Variants in RUBCN observed in about 807,000 individuals in gnomAD.
The protein encoded by RUBCN is rubicon autophagy regulator.
Under a neutral mutation model 113.2 loss-of-function variants are expected in RUBCN, and 74 were observed. That is an observed-to-expected ratio of 0.65 (90% CI 0.54 to 0.79). The LOEUF (loss-of-function observed/expected upper bound fraction) is 0.79. Among genes scored for constraint, RUBCN ranks in the 30% least tolerant of loss-of-function variants. The pLI, the probability that RUBCN is intolerant of heterozygous loss-of-function variation, is 0.00. For synonymous variants in RUBCN, 480 were observed against 490.0 expected (o/e 0.98, Z 0.27); for missense variants, 1,109 against 1,251.7 (o/e 0.89, Z 1.72).
At position 197,674,884 on chromosome 3, in the gene RUBCN, A is replaced by G; in HGVS notation, c.*134T>C. On this transcript the variant is annotated 3_prime_UTR_variant, in exon 20 of 20. Transcript: ENST00000296343. ...CACAGACGTCAGACAAGTCAGTAAA[A>G]AAAAAAAAAAAGATGATGATAATTA... 1 of 727,672 alleles carries G rather than the reference A, an allele frequency of 1.4e-6. No homozygotes were observed. Among genetic ancestry groups the G allele is most frequent in the Non-Finnish European group, 2.1e-6 (1 of 478,738 alleles). The allele number at this position is 727,672 out of a possible 1,614,324, so 45.1% of individuals were successfully genotyped here. A position where few individuals can be genotyped will look rare whatever the true frequency, so the allele number is the denominator to read the frequency against.
intron 11 of RUBCN, among the ~76,000 whole-genome samples, chr3:197,689,208 T>C (rs1225503333): frequency 6.6e-6 from 1 of 151,918 alleles, no homozygotes; most frequent in Non-Finnish European, 1.5e-5. Flanking sequence ...AATATGTTTT[T>C]GTAGAGATGG....
At chr3:197,715,446 A>C (rs1369431551) in intron 2 of RUBCN, among the ~76,000 whole-genome samples, 1 of 152,202 alleles carries the variant, frequency 6.6e-6, no homozygotes, top group Non-Finnish European at 1.5e-5. Flanking sequence ...ATATTTTATA[A>C]ATAGTTCTCG....
At chr3:197,686,970 AAGG>A (rs1306545184) in intron 11 of RUBCN, among the ~76,000 whole-genome samples, 1 of 152,258 alleles carries the variant, frequency 6.6e-6, no homozygotes, top group South Asian at 2.1e-4. Context: ...GACAAGTTAT[AAGG>A]AGAAGAATTT....
chr3:197,680,560 TCTAA>T (rs200036699), intron 16 of RUBCN, among the ~76,000 whole-genome samples: 1,545 of 152,048 alleles, frequency 0.01, 16 homozygotes, highest in African/African-American at 0.023. Context: ...TGTCTTACGC[TCTAA>T]CTGACAACTG....
intron 1 of RUBCN, among the ~76,000 whole-genome samples, chr3:197,743,724 G>A (rs1319652149): frequency 1.3e-5 from 2 of 152,288 alleles, no homozygotes; most frequent in Middle Eastern, 3.4e-3. Flanking sequence ...GGTGGCTCAC[G>A]CCTGTAATCC....
chr3:197,683,681 A>C lies in RUBCN; in HGVS notation c.1848-242T>G, dbSNP rs1398242687. Among the ~76,000 whole-genome samples, 1 of 152,194 alleles carries C rather than the reference A, an allele frequency of 6.6e-6. No individual in the cohort carries two copies. Among genetic ancestry groups the C allele is most frequent in the Non-Finnish European group, 1.5e-5 (1 of 68,032 alleles). On this transcript the variant is annotated intron_variant, in intron 12 of 19. Transcript: ENST00000296343. This position sits in a 1 kb window ranked among gnomAD's most constrained non-coding sequence, Gnocchi z 4.6. The stretch of plus-strand genomic sequence containing the variant: ...GGCACTGCTAATGAAGGACTCTGTC[A>C]CTTCCTTTCTCTGAACTTCAGCTCC...
At chr3:197,679,830 TGAC>T (rs1720986665) in intron 16 of RUBCN, among the ~76,000 whole-genome samples, 1 of 148,234 alleles carries the variant, frequency 6.7e-6, no homozygotes, top group Non-Finnish European at 1.5e-5. Context: ...TCCTACGCTC[TGAC>T]AACTGGCTCC....
chr3:197,700,003 GC>G (rs1480765351), intron 7 of RUBCN, among the ~76,000 whole-genome samples: 1 of 152,136 alleles, frequency 6.6e-6, no homozygotes, highest in Non-Finnish European at 1.5e-5. Context: ...AAAGCAAGGA[GC>G]CCCACCTTCC....
chr3:197,684,509 C>T (rs554464635), intron 11 of RUBCN, among the ~76,000 whole-genome samples: 25 of 152,130 alleles, frequency 1.6e-4, no homozygotes, highest in Non-Finnish European at 3.5e-4. Context: ...AATGAGAAGA[C>T]GAGCATCCTA....
chr3:197,684,709 CACACACATATATGTGTGTGTATATATAT>C (rs761764895), intron 11 of RUBCN, among the ~76,000 whole-genome samples: 9 of 150,534 alleles, frequency 6.0e-5, no homozygotes, highest in Admixed American at 5.3e-4. Context: ...CATATATACG[CACACACATATATGTGTGTGTATATATAT>C]ACACACACGT....
intron 7 of RUBCN, chr3:197,700,380 A>C: frequency 1.7e-6 from 1 of 589,214 alleles, no homozygotes; most frequent in African/African-American, 1.9e-5. Flanking sequence ...CAAACTAGTA[A>C]AGAATCCAGG....
intron 18 of RUBCN, chr3:197,676,125 C>G: frequency 1.1e-6 from 1 of 892,978 alleles, no homozygotes; most frequent in Non-Finnish European, 1.3e-6. Context: ...ATACAAAACG[C>G]TGTCATACAA....
At chr3:197,720,924 A>C (rs1420195569) in intron 1 of RUBCN, among the ~76,000 whole-genome samples, 3 of 152,076 alleles carry the variant, frequency 2.0e-5, no homozygotes, top group Non-Finnish European at 2.9e-5. Context: ...CATTCCCACC[A>C]GCAGCGTGTA....
intron 1 of RUBCN, among the ~76,000 whole-genome samples, chr3:197,718,426 T>C (rs1045810195): frequency 8.5e-5 from 13 of 152,180 alleles, no homozygotes; most frequent in African/African-American, 2.9e-4. Flanking sequence ...CTTATAACCC[T>C]AACTTTATAG....
intron 5 of RUBCN, 131 bp downstream of exon 5, chr3:197,703,417 A>T: frequency 4.9e-6 from 2 of 405,860 alleles, no homozygotes; most frequent in South Asian, 2.4e-5. Flanking sequence ...AAAAAAAAAA[A>T]AAAAAAAAAA....
intron 11 of RUBCN, chr3:197,691,076 G>A (rs1722370399): frequency 1.6e-6 from 2 of 1,288,354 alleles, no homozygotes; most frequent in Non-Finnish European, 2.0e-6. Flanking sequence ...TAGGCTACCT[G>A]AGAACATCGA....
chr3:197,684,125 T>A, intron 12 of RUBCN, 32 bp downstream of exon 12: 5 of 1,545,240 alleles, frequency 3.2e-6, no homozygotes, highest in Non-Finnish European at 4.5e-6. Context: ...TAAGGTTTTC[T>A]TTTCTTTTTT....
At chr3:197,703,805 G>T (rs947951746) in intron 4 of RUBCN, 151 bp from the exon 5 acceptor site, 2 of 677,008 alleles carry the variant, frequency 3.0e-6, no homozygotes, top group South Asian at 1.6e-5. Context: ...AGAACGCGAG[G>T]TGCAGCAAAA....
Position 197,677,460 on chromosome 3 carries a change from C to T in RUBCN, c.2492+20G>A. 5.0e-6 allele frequency: 8 copies of T among 1,610,448 alleles called. No individual in the cohort carries two copies. The highest frequency in any genetic ancestry group is 6.8e-6 in the Non-Finnish European group (8 of 1,176,578). ...GAGACAGCAACGTGGCCAGAGGGCT[C>T]TAGCTCCAAAAGGACTTACTCCTTG... On this transcript the variant is annotated intron_variant, in intron 17 of 19. Coordinates refer to ENST00000296343, the MANE Select transcript of RUBCN (RefSeq NM_014687.4).
Sources: allele counts gnomAD v4.1 joint callset (sites outside exome capture counted in the v4.1 genomes callset), GRCh38; gene constraint gnomAD v4.1.1; non-coding constraint Gnocchi (gnomAD v3.1); transcripts MANE v1.5; gene names NCBI Gene and HGNC (gene_info 2026-07-23, HGNC 2026-07-21).